Variants in RALGAPA2 observed in about 807,000 individuals in gnomAD.
RALGAPA2 encodes the protein Ral GTPase activating protein catalytic subunit alpha 2.
In RALGAPA2, 139 loss-of-function variants were observed where a neutral mutation model predicts 230.4. The observed-to-expected ratio is 0.60, with a 90% CI of 0.53 to 0.69. The LOEUF (loss-of-function observed/expected upper bound fraction) is 0.69. RALGAPA2 is among the 30% of genes least tolerant of loss of function. The probability of loss-of-function intolerance (pLI) is 0.00; values close to 1 mark genes in which losing one functional copy is unlikely to be tolerated. For missense variants in RALGAPA2, 2,163 were observed against 2,276.0 expected (o/e 0.95, Z 1.01); for synonymous variants, 847 against 837.8 (o/e 1.01, Z -0.19).
intron 38 of RALGAPA2, among the ~76,000 whole-genome samples, chr20:20,406,776 G>A (rs2059955754): frequency 6.6e-6 from 1 of 152,150 alleles, no homozygotes; most frequent in Non-Finnish European, 1.5e-5. Context: ...GCTGCATGTG[G>A]TGGCTTATGC....
rs185720586 is a variant in RALGAPA2, at chr20:20,691,442, C to T, written c.107-10641G>A. On this transcript the variant is annotated intron_variant, in intron 1 of 39. Coordinates refer to ENST00000202677, the MANE Select transcript of RALGAPA2 (RefSeq NM_020343.4). ...TATTTATCAGAGCACAGGCCATGTA[C>T]GGGATACAAAGGATTTTTTACAATT... is the stretch of plus-strand genomic sequence containing the variant. Among the ~76,000 whole-genome samples the T allele has an allele frequency of 3.2e-3, 486 of 152,166 alleles. 2 individuals are homozygous for T. The highest frequency in any genetic ancestry group is 0.011 in the African/African-American group (466 of 41,512).
intron 23 of RALGAPA2, among the ~76,000 whole-genome samples, chr20:20,568,295 T>A (rs2064512070): frequency 6.6e-6 from 1 of 152,236 alleles, no homozygotes; most frequent in African/African-American, 2.4e-5. Context: ...GAACCCATGT[T>A]ACATATGTAC....
At chr20:20,619,765 G>A (rs1180367166) in intron 11 of RALGAPA2, among the ~76,000 whole-genome samples, 1 of 152,150 alleles carries the variant, frequency 6.6e-6, no homozygotes, top group Non-Finnish European at 1.5e-5. Flanking sequence ...CACCAATATT[G>A]AAAAATTAAA....
At chr20:20,444,898 T>C (rs1166032704) in intron 37 of RALGAPA2, among the ~76,000 whole-genome samples, 1 of 152,236 alleles carries the variant, frequency 6.6e-6, no homozygotes, top group Non-Finnish European at 1.5e-5. Context: ...TGTCCTTTTG[T>C]CCAGCGGGTC....
intron 24 of RALGAPA2, among the ~76,000 whole-genome samples, chr20:20,546,182 C>A (rs2063770223): frequency 6.6e-6 from 1 of 152,164 alleles, no homozygotes; most frequent in Non-Finnish European, 1.5e-5. Flanking sequence ...ATTTAGTCCA[C>A]TTCTAATTTT....
chr20:20,464,722 T>C (rs1427151604), intron 37 of RALGAPA2, among the ~76,000 whole-genome samples: 6 of 152,206 alleles, frequency 3.9e-5, no homozygotes, highest in African/African-American at 1.4e-4. Flanking sequence ...GATTTCCATA[T>C]AAATGTGCTT....
intron 20 of RALGAPA2, among the ~76,000 whole-genome samples, chr20:20,582,260 G>T (rs1179934375): frequency 6.6e-6 from 1 of 151,770 alleles, no homozygotes; most frequent in Non-Finnish European, 1.5e-5. Context: ...ACCTGACTTA[G>T]ATGTTCACTC....
chr20:20,644,837 T>C (rs73294801), intron 4 of RALGAPA2, among the ~76,000 whole-genome samples: 1,685 of 152,310 alleles, frequency 0.011, 28 homozygotes, highest in African/African-American at 0.039. Context: ...CCCATGTTCA[T>C]CCATTCTTGG....
At chr20:20,631,673 C>T (rs531169110) in intron 9 of RALGAPA2, among the ~76,000 whole-genome samples, 2 of 152,282 alleles carry the variant, frequency 1.3e-5, no homozygotes, top group East Asian at 3.9e-4. Context: ...TTCTGACTTT[C>T]AGAACTGTAA....
At chr20:20,512,441 C>A in intron 32 of RALGAPA2, 72 bp downstream of exon 32, 1 of 1,389,870 alleles carries the variant, frequency 7.2e-7, no homozygotes, top group Non-Finnish European at 9.6e-7. Flanking sequence ...CTTCCCCAAC[C>A]ACAAACTGAT....
chr20:20,499,294 G>A (rs922369879), intron 35 of RALGAPA2, among the ~76,000 whole-genome samples: 3 of 151,938 alleles, frequency 2.0e-5, no homozygotes, highest in Admixed American at 2.0e-4. Flanking sequence ...TTACAGCTTG[G>A]CATTTTATCA....
chr20:20,507,742 G>A (rs1398002122), intron 33 of RALGAPA2, among the ~76,000 whole-genome samples: 2 of 152,146 alleles, frequency 1.3e-5, no homozygotes, highest in Non-Finnish European at 2.9e-5. Context: ...ACCATTCACT[G>A]CCCTGAGCAA....
intron 20 of RALGAPA2, among the ~76,000 whole-genome samples, chr20:20,580,834 T>G (rs2064962768): frequency 6.6e-6 from 1 of 152,332 alleles, no homozygotes; most frequent in South Asian, 2.1e-4. Context: ...ATTTAAGATT[T>G]TGGAGGCAGT....
At chr20:20,448,476 A>C (rs1602396839) in intron 37 of RALGAPA2, among the ~76,000 whole-genome samples, 1 of 152,238 alleles carries the variant, frequency 6.6e-6, no homozygotes, top group African/African-American at 2.4e-5. Context: ...AGGTGCCAAC[A>C]AAACACCTCT....
chr20:20,401,026 T>TG (rs1274001473), intron 38 of RALGAPA2, among the ~76,000 whole-genome samples: 12 of 151,668 alleles, frequency 7.9e-5, no homozygotes, highest in Non-Finnish European at 1.8e-4. Flanking sequence ...AGTTGAGGAG[T>TG]GGGCGGGGAG....
chr20:20,468,276 C>T (rs2061463686), intron 37 of RALGAPA2, among the ~76,000 whole-genome samples: 1 of 152,208 alleles, frequency 6.6e-6, no homozygotes, highest in Non-Finnish European at 1.5e-5. Flanking sequence ...ATCCCCACTA[C>T]AGCTATATTT....
At position 20,424,442 on chromosome 20, in the gene RALGAPA2, T is replaced by C. The variant is rs76391752; in HGVS notation, c.5496-12294A>G. ...CGACAGAAAAAGTGACGAATCAATA[T>C]GAACAATAGAAGCCCTGAGTTCTGC... On this transcript the variant is annotated intron_variant, in intron 37 of 39. Transcript: ENST00000202677. Among the ~76,000 whole-genome samples, 22 of 152,312 alleles carry C rather than the reference T, an allele frequency of 1.4e-4. No homozygotes were observed. In the East Asian group the frequency reaches 3.9e-3, roughly 27 times the overall value.
At chr20:20,550,911 G>T (rs1168540879) in intron 23 of RALGAPA2, among the ~76,000 whole-genome samples, 1 of 152,206 alleles carries the variant, frequency 6.6e-6, no homozygotes, top group Non-Finnish European at 1.5e-5. Context: ...GGTGTAGTTT[G>T]TATAATTCAG....
chr20:20,572,114 A>T (rs2064662123), intron 21 of RALGAPA2, among the ~76,000 whole-genome samples, 168 bp from the exon 22 acceptor site: 1 of 152,220 alleles, frequency 6.6e-6, no homozygotes, highest in African/African-American at 2.4e-5. Context: ...TTTGAATTAC[A>T]TGTTTGGCTT....
Sources: allele counts gnomAD v4.1 joint callset (sites outside exome capture counted in the v4.1 genomes callset), GRCh38; gene constraint gnomAD v4.1.1; transcripts MANE v1.5; gene names NCBI Gene and HGNC (gene_info 2026-07-23, HGNC 2026-07-21).